Variants in CNOT6 observed in about 807,000 individuals in gnomAD.
CNOT6 encodes the protein carbon catabolite repression 4 protein.
Under a neutral mutation model 61.2 loss-of-function variants are expected in CNOT6, and 12 were observed. The observed-to-expected ratio is 0.20, with a 90% CI of 0.13 to 0.32. The LOEUF is 0.32. Among genes scored for constraint, CNOT6 ranks in the 10% least tolerant of loss-of-function variants. The pLI, the probability that CNOT6 is intolerant of heterozygous loss-of-function variation, is 1.00. For missense variants in CNOT6, 405 were observed against 663.9 expected (o/e 0.61, Z 4.28); for synonymous variants, 225 against 240.6 (o/e 0.94, Z 0.60).
intron 1 of CNOT6, among the ~76,000 whole-genome samples, chr5:180,525,220 A>T (rs985157459): frequency 6.6e-6 from 1 of 152,178 alleles, no homozygotes; most frequent in African/African-American, 2.4e-5. Flanking sequence ...TGCTTTGATT[A>T]AACAGTCAAA....
chr5:180,563,089 G>T (rs1760265908), intron 4 of CNOT6, among the ~76,000 whole-genome samples: 1 of 152,122 alleles, frequency 6.6e-6, no homozygotes, highest in South Asian at 2.1e-4. Flanking sequence ...AATGAACTTT[G>T]CCATTTTTCC....
chr5:180,540,268 C>A (rs1329015487), intron 2 of CNOT6, among the ~76,000 whole-genome samples: 3 of 152,168 alleles, frequency 2.0e-5, no homozygotes, highest in Non-Finnish European at 4.4e-5. Flanking sequence ...GAAACTGGTG[C>A]TTTCCAGTGT....
chr5:180,541,440 AATTTTTTTTTTTTT>A (rs1414056183), intron 2 of CNOT6, among the ~76,000 whole-genome samples: 1 of 102,928 alleles, frequency 9.7e-6, no homozygotes, highest in Non-Finnish European at 2.0e-5. Context: ...CTGGCCAAGA[AATTTTTTTTTTTTT>A]TTTTTTTTTT....
chr5:180,520,363 G>A (rs1390009454), intron 1 of CNOT6, among the ~76,000 whole-genome samples: 3 of 152,138 alleles, frequency 2.0e-5, no homozygotes, highest in African/African-American at 7.2e-5. Context: ...AAGGGCCTGG[G>A]CCGGGCGCGG....
chr5:180,533,006 T>G (rs529298003), intron 2 of CNOT6, among the ~76,000 whole-genome samples: 1 of 152,272 alleles, frequency 6.6e-6, no homozygotes, highest in South Asian at 2.1e-4. Context: ...ACCCTGTTCT[T>G]TCGGGTTTTT....
At chr5:180,547,477 G>A (rs950467407) in intron 2 of CNOT6, among the ~76,000 whole-genome samples, 2 of 151,878 alleles carry the variant, frequency 1.3e-5, no homozygotes, top group Non-Finnish European at 2.9e-5. Context: ...CTGAGATCGC[G>A]CCACTGCATT....
At chr5:180,497,910 G>A (rs1039182947) in intron 1 of CNOT6, among the ~76,000 whole-genome samples, 1 of 152,004 alleles carries the variant, frequency 6.6e-6, no homozygotes, top group African/African-American at 2.4e-5. Flanking sequence ...AGGCGCAGTG[G>A]CACATGCCTG....
chr5:180,522,131 A>G (rs977623511), intron 1 of CNOT6, among the ~76,000 whole-genome samples: 12 of 152,080 alleles, frequency 7.9e-5, no homozygotes, highest in East Asian at 1.9e-4. Flanking sequence ...CTATGTATCT[A>G]TCTGTCTATT....
At chr5:180,500,587 A>G (rs1464054678) in intron 1 of CNOT6, among the ~76,000 whole-genome samples, 2 of 152,136 alleles carry the variant, frequency 1.3e-5, no homozygotes, top group Non-Finnish European at 2.9e-5. Context: ...GGCACCTGCC[A>G]TCATGCCTGG....
intron 11 of CNOT6, among the ~76,000 whole-genome samples, chr5:180,573,602 T>TGTGTGTCC (rs1561669575): frequency 4.6e-5 from 1 of 21,964 alleles, no homozygotes; most frequent in Non-Finnish European, 1.1e-4. Context: ...TGTGTGTGTG[T>TGTGTGTCC]CCGTCCGTCC....
chr5:180,506,604 G>A (rs1373407936), intron 1 of CNOT6, among the ~76,000 whole-genome samples: 1 of 152,184 alleles, frequency 6.6e-6, no homozygotes, highest in Non-Finnish European at 1.5e-5. Context: ...TTGCCGTAGC[G>A]TGTCACTAAG....
At chr5:180,520,480 A>G (rs996197525) in intron 1 of CNOT6, among the ~76,000 whole-genome samples, 5 of 151,978 alleles carry the variant, frequency 3.3e-5, no homozygotes, top group Non-Finnish European at 7.4e-5. Flanking sequence ...CATCTCTACT[A>G]AAAATACAAA....
Position 180,498,769 on chromosome 5 carries a change from T to G in CNOT6, c.-3+4006T>G, listed in dbSNP as rs1427153707. The stretch of plus-strand genomic sequence containing the variant: ...AGAGTGGAGGCCCTACAAGTGTATA[T>G]TTGAGATAGTATGGAGTTAGTGACT... On this transcript the variant is annotated intron_variant, in intron 1 of 11. Coordinates refer to ENST00000261951, the MANE Select transcript of CNOT6 (RefSeq NM_001370472.1). 2.6e-5 allele frequency among the ~76,000 whole-genome samples: 4 copies of G among 152,154 alleles called. No individual in the cohort carries two copies. In the East Asian group the frequency reaches 7.7e-4, roughly 29 times the overall value.
chr5:180,514,835 G>A (rs764235212), intron 1 of CNOT6, among the ~76,000 whole-genome samples: 3 of 152,098 alleles, frequency 2.0e-5, no homozygotes, highest in Non-Finnish European at 4.4e-5. Flanking sequence ...ATTGCTTTTG[G>A]ATTTTTTTTC....
At chr5:180,568,631 C>T (rs1360265324) in intron 9 of CNOT6, among the ~76,000 whole-genome samples, 3 of 151,898 alleles carry the variant, frequency 2.0e-5, no homozygotes, top group Non-Finnish European at 4.4e-5. Context: ...GATAAATGGA[C>T]CACTTCAAAT....
At chr5:180,555,510 G>C (rs1191465107) in intron 4 of CNOT6, among the ~76,000 whole-genome samples, 1 of 152,098 alleles carries the variant, frequency 6.6e-6, no homozygotes, top group Non-Finnish European at 1.5e-5. Context: ...CACATATCCT[G>C]CTGGACAGCA....
Position 180,574,398 on chromosome 5 carries a change from TG to T in CNOT6, c.*199del, listed in dbSNP as rs1760919130. The T allele has an allele frequency of 1.0e-5, 6 of 594,770 alleles. No homozygotes were observed. Among genetic ancestry groups the T allele is most frequent in the Non-Finnish European group, 9.0e-6 (3 of 333,592 alleles). The allele number at this position is 594,770 out of a possible 1,614,324, so 36.8% of individuals were successfully genotyped here. On this transcript the variant is annotated 3_prime_UTR_variant, in exon 12 of 12. Transcript: ENST00000261951. ...ATTCTGAGCCCAATATGCTTTATAC[TG>T]CTAGACAGGGATTGGTGTGTTTGCA...
intron 1 of CNOT6, among the ~76,000 whole-genome samples, chr5:180,527,948 G>A (rs1281202718): frequency 2.0e-5 from 3 of 152,136 alleles, no homozygotes; most frequent in African/African-American, 7.2e-5. Context: ...TCCTTATGAT[G>A]CGATCTAACT....
At chr5:180,545,064 G>A (rs1271673431) in intron 2 of CNOT6, among the ~76,000 whole-genome samples, 2 of 152,170 alleles carry the variant, frequency 1.3e-5, no homozygotes, top group Admixed American at 6.5e-5. Context: ...ATAAAATTTT[G>A]TTCTACAAAT....
Sources: allele counts gnomAD v4.1 joint callset (sites outside exome capture counted in the v4.1 genomes callset), GRCh38; gene constraint gnomAD v4.1.1; transcripts MANE v1.5; gene names NCBI Gene and HGNC (gene_info 2026-07-23, HGNC 2026-07-21).